Variants in CDH18 observed in about 807,000 individuals in gnomAD.
The protein encoded by CDH18 is cadherin-18.
CDH18 carries 31 observed loss-of-function variants against 67.9 expected under a neutral mutation model. That is an observed-to-expected ratio of 0.46 (90% CI 0.34 to 0.62). The LOEUF is 0.62. Among genes scored for constraint, CDH18 ranks in the 20% least tolerant of loss-of-function variants. The pLI is 0.01. For missense variants in CDH18, 890 were observed against 975.5 expected, an observed-to-expected ratio of 0.91 and a Z score of 1.17; for synonymous variants, 362 against 347.2, an observed-to-expected ratio of 1.04 and a Z score of -0.48.
At chr5:19,785,911 T>G (rs1257923198) in intron 3 of CDH18, among the ~76,000 whole-genome samples, 3 of 151,284 alleles carry the variant, frequency 2.0e-5, no homozygotes, top group African/African-American at 7.3e-5. Context: ...TTAATTTACA[T>G]GTTCAGTAAA....
At chr5:20,112,134 T>C (rs1325911900) in intron 2 of CDH18, among the ~76,000 whole-genome samples, 2 of 152,164 alleles carry the variant, frequency 1.3e-5, no homozygotes, top group African/African-American at 2.4e-5. Flanking sequence ...TTAACTTTGG[T>C]AATTTCTGTG....
chr5:19,586,901 T>C (rs1744244188), intron 7 of CDH18, among the ~76,000 whole-genome samples: 1 of 152,200 alleles, frequency 6.6e-6, no homozygotes, highest in Non-Finnish European at 1.5e-5. Context: ...AAAGCCATTC[T>C]GACTGGTGTG....
chr5:19,694,965 G>T (rs574930872), intron 5 of CDH18, among the ~76,000 whole-genome samples: 18 of 152,000 alleles, frequency 1.2e-4, no homozygotes, highest in Non-Finnish European at 2.1e-4. Context: ...CGTTTCCATA[G>T]CTGGAGAACA....
At chr5:20,416,243 A>G (rs1005872332) in intron 1 of CDH18, among the ~76,000 whole-genome samples, 1 of 152,176 alleles carries the variant, frequency 6.6e-6, no homozygotes, top group African/African-American at 2.4e-5. Context: ...TATTTAAATT[A>G]CAAGGTCATC....
intron 1 of CDH18, among the ~76,000 whole-genome samples, chr5:20,409,512 T>C (rs1200588291): frequency 6.6e-6 from 1 of 151,728 alleles, no homozygotes; most frequent in Non-Finnish European, 1.5e-5. Flanking sequence ...TGAGATGTTG[T>C]AAAAGCAGTA....
intron 5 of CDH18, among the ~76,000 whole-genome samples, chr5:19,667,118 T>C (rs1758069831): frequency 1.3e-5 from 2 of 151,918 alleles, no homozygotes; most frequent in South Asian, 4.1e-4. Context: ...TTATTAAATA[T>C]GTTATTTATA....
chr5:20,195,933 C>CA (rs1738938606), intron 2 of CDH18, among the ~76,000 whole-genome samples: 1 of 152,014 alleles, frequency 6.6e-6, no homozygotes, highest in African/African-American at 2.4e-5. Context: ...AATCACTTAA[C>CA]AAAATCAAAA....
chr5:20,334,562 C>T (rs907451464), intron 1 of CDH18, among the ~76,000 whole-genome samples: 33 of 151,978 alleles, frequency 2.2e-4, no homozygotes, highest in African/African-American at 6.3e-4. Flanking sequence ...GAAGAGGGAA[C>T]GACATGAGTC....
chr5:19,994,777 AGAGAGAGAGAGAGAGAT>A (rs1735823295), intron 2 of CDH18, among the ~76,000 whole-genome samples: 1 of 102,672 alleles, frequency 9.7e-6, no homozygotes, highest in East Asian at 3.0e-4. Context: ...AGAGAGAGAG[AGAGAGAGAGAGAGAGAT>A]GTACATGTGT....
intron 2 of CDH18, among the ~76,000 whole-genome samples, chr5:20,236,735 G>A (rs1049990314): frequency 3.3e-5 from 5 of 151,970 alleles, no homozygotes; most frequent in Admixed American, 6.6e-5. Flanking sequence ...CAGGTTTCAC[G>A]AGTTAATTCT....
chr5:19,992,044 G>T (rs1800013865), upstream of CDH18: 1 of 148,012 alleles, frequency 6.8e-6, no homozygotes, highest in Non-Finnish European at 1.5e-5. Flanking sequence ...AAAAAGAATT[G>T]CAGAGTACTG....
intron 2 of CDH18, among the ~76,000 whole-genome samples, chr5:19,934,310 G>A (rs1481983055): frequency 2.6e-5 from 4 of 151,300 alleles, no homozygotes; most frequent in South Asian, 2.1e-4. Context: ...GACGTCCAGT[G>A]ACATAAGTCT....
chr5:19,522,541 A>C (rs1434307511), intron 9 of CDH18, among the ~76,000 whole-genome samples: 1 of 152,156 alleles, frequency 6.6e-6, no homozygotes, highest in Admixed American at 6.5e-5. Context: ...GCAATTGAAA[A>C]CTGCTTCTAA....
intron 1 of CDH18, among the ~76,000 whole-genome samples, chr5:20,546,377 A>G (rs893536104): frequency 6.7e-6 from 1 of 149,850 alleles, no homozygotes. Flanking sequence ...AATTCTCTAT[A>G]TTAGTCTGCT....
rs192711676 is a variant in CDH18, at chr5:20,143,433, T to C, written c.-518+112011A>G. ...CCCAGGCTGGAGTGCAGTGACACAA[T>C]CATAGCTCACTGCAGCCTCAAACTC... On this transcript the variant is annotated intron_variant, in intron 2 of 14. Coordinates refer to the CDH18 transcript ENST00000507958. 8.3e-4 allele frequency among the ~76,000 whole-genome samples: 126 copies of C among 152,136 alleles called. 1 individual carries two copies. The highest frequency in any genetic ancestry group is 2.8e-3 in the African/African-American group (115 of 41,504).
chr5:20,370,692 C>T (rs901164367), intron 1 of CDH18, among the ~76,000 whole-genome samples: 6 of 152,092 alleles, frequency 3.9e-5, no homozygotes, highest in Non-Finnish European at 8.8e-5. Context: ...ATTCTGGCAA[C>T]TTTGTGGAGA....
At chr5:19,617,848 TA>T (rs2150129788) in intron 5 of CDH18, among the ~76,000 whole-genome samples, 1 of 152,320 alleles carries the variant, frequency 6.6e-6, no homozygotes, top group African/African-American at 2.4e-5. Flanking sequence ...CACAAGTTCA[TA>T]ACATTGAAAA....
chr5:20,360,882 CCTCA>C (rs1362274121), intron 1 of CDH18, among the ~76,000 whole-genome samples: 6 of 152,046 alleles, frequency 3.9e-5, no homozygotes, highest in South Asian at 2.1e-4. Context: ...TGATTTACCT[CCTCA>C]CTCACAAAAA....
chr5:19,906,744 T>C lies in CDH18; in HGVS notation c.-256-67502A>G, dbSNP rs913471075. ...ATGTAAACAGAAAATATGGTTAACA[T>C]TGCAACATTCTAAGGTCAATTATTA... On this transcript the variant is annotated intron_variant, in intron 2 of 12. Coordinates refer to ENST00000382275, the MANE Select transcript of CDH18 (RefSeq NM_004934.5). Among the ~76,000 whole-genome samples, 7 of 151,968 alleles carry C rather than the reference T, an allele frequency of 4.6e-5. No individual in the cohort carries two copies. In the South Asian group the frequency reaches 1.2e-3, roughly 27 times the overall value.
Sources: allele counts gnomAD v4.1 joint callset (sites outside exome capture counted in the v4.1 genomes callset), GRCh38; gene constraint gnomAD v4.1.1; transcripts MANE v1.5; gene names NCBI Gene and HGNC (gene_info 2026-07-23, HGNC 2026-07-21).